The following ZNF700 variants were observed in gnomAD, a reference collection of about 807,000 sequenced individuals.
ZNF700 encodes the protein zinc finger protein 700.
Under a neutral mutation model 65.3 loss-of-function variants are expected in ZNF700, and 38 were observed. The ratio of observed to expected loss-of-function variants is 0.58; its 90% CI spans 0.45 to 0.76. ZNF700 has a LOEUF of 0.76. Among genes scored for constraint, ZNF700 ranks in the 30% least tolerant of loss-of-function variants. The pLI is 0.00. For synonymous variants in ZNF700, 285 were observed against 290.4 expected (o/e 0.98, Z 0.19); for missense variants, 857 against 888.4 (o/e 0.96, Z 0.45).
At chr19:11,928,743 A>T (rs1972672094) in intron 1 of ZNF700, among the ~76,000 whole-genome samples, 1 of 143,516 alleles carries the variant, frequency 7.0e-6, no homozygotes, top group Non-Finnish European at 1.5e-5. Context: ...AAAAAAAAAA[A>T]AAAAAAAAGA....
At position 11,930,285 on chromosome 19, in the gene ZNF700, T is replaced by A. The variant is rs1041671759; in HGVS notation, c.63+5012T>A. ...TTCCTGTCCTTTGGATTGTCTCAAC[T>A]GTGAAGAGAGAAATATCCCAAAAGA... On this transcript the variant is annotated intron_variant, in intron 1 of 3. Transcript: ENST00000254321. Among the ~76,000 whole-genome samples the A allele has an allele frequency of 6.1e-5, 9 of 148,516 alleles. 2 individuals are homozygous for A. Among genetic ancestry groups the A allele is most frequent in the African/African-American group, 2.4e-4 (9 of 38,102 alleles).
chr19:11,941,587 C>T (rs1368685898), intron 1 of ZNF700, among the ~76,000 whole-genome samples: 4 of 152,328 alleles, frequency 2.6e-5, no homozygotes, highest in East Asian at 3.9e-4. Flanking sequence ...CCGGCTGCTC[C>T]GAGTGCGGGG....
At chr19:11,944,831 A>G (rs1972936074) in intron 1 of ZNF700, among the ~76,000 whole-genome samples, 1 of 152,202 alleles carries the variant, frequency 6.6e-6, no homozygotes, top group Non-Finnish European at 1.5e-5. Flanking sequence ...TAAATGTGAG[A>G]TGTAGAAGTA....
chr19:11,948,623 G>GA lies in ZNF700; in HGVS notation c.604dup (p.Thr202AsnfsTer22), dbSNP rs775228935. Reference sequence around the variant, plus strand: ...AAACCCTATGCTTGTAAAGTCTGTGGAAAAACCTTTATTTTCCATTCAAGC... The same window carrying GA: ...AAACCCTATGCTTGTAAAGTCTGTGGAAAAAACCTTTATTTTCCATTCAAGC... On this transcript the variant is annotated frameshift_variant, in exon 4 of 4. Coordinates refer to ENST00000254321, the MANE Select transcript of ZNF700 (RefSeq NM_144566.3). LOFTEE classifies it high-confidence loss of function. 1.9e-5 allele frequency: 30 copies of GA among 1,611,396 alleles called. No individual in the cohort carries two copies. The highest frequency in any genetic ancestry group is 2.5e-5 in the Non-Finnish European group (29 of 1,179,488).
At chr19:11,928,798 G>A (rs1452616715) in intron 1 of ZNF700, among the ~76,000 whole-genome samples, 5 of 146,548 alleles carry the variant, frequency 3.4e-5, no homozygotes, top group Admixed American at 3.3e-4. Context: ...AGTGAAGAGG[G>A]GCCTGGTAGG....
At chr19:11,939,193 G>A (rs2145287773) in intron 1 of ZNF700, among the ~76,000 whole-genome samples, 1 of 152,224 alleles carries the variant, frequency 6.6e-6, no homozygotes, top group East Asian at 1.9e-4. Flanking sequence ...TCATTCTGAT[G>A]GTAGTTTCTT....
Position 11,932,133 on chromosome 19 carries a change from AAAAG to A in ZNF700, c.63+6868_63+6871del, listed in dbSNP as rs1240722335. Among the ~76,000 whole-genome samples, 8 of 147,878 alleles carry A rather than the reference AAAAG, an allele frequency of 5.4e-5. 1 individual carries two copies. The highest frequency in any genetic ancestry group is 1.6e-4 in the African/African-American group (6 of 37,716). On this transcript the variant is annotated intron_variant, in intron 1 of 3. Transcript: ENST00000254321. ...AGTGAAACTTTGTCTCAAAAAAAAAAAAAGAAAGAAAATAAATTAGTCCAGCCTG... is the reference window on the plus strand; with the variant it reads ...AGTGAAACTTTGTCTCAAAAAAAAAAAAAGAAAATAAATTAGTCCAGCCTG...
At chr19:11,932,572 C>T (rs541109104) in intron 1 of ZNF700, among the ~76,000 whole-genome samples, 2 of 147,638 alleles carry the variant, frequency 1.4e-5, no homozygotes, top group South Asian at 4.2e-4. Context: ...CTTCCCCAAC[C>T]TGGGTACCCA....
At chr19:11,941,298 C>G (rs1387259546) in intron 1 of ZNF700, among the ~76,000 whole-genome samples, 1 of 152,264 alleles carries the variant, frequency 6.6e-6, no homozygotes, top group African/African-American at 2.4e-5. Flanking sequence ...TGCGCCCGCA[C>G]TCCTCAGCCC....
chr19:11,925,300 A>C, intron 1 of ZNF700, 27 bp downstream of exon 1: 1 of 1,609,268 alleles, frequency 6.2e-7, no homozygotes, highest in Non-Finnish European at 8.5e-7. Context: ...AGATGTCGTG[A>C]GACGGGGGAG....
rs756273498 is a variant in ZNF700, at chr19:11,949,968, T to G, written c.1944T>G (p.Tyr648Ter). ...HERTHTGEKP[Y>*]ECKECEKAFC... ...GGACTCACACTGGAGAGAAACCCTA[T>G]GAATGTAAGGAATGCGAAAAAGCAT... The change falls in exon 4 of 4, where the codon TAT becomes TAG. Residue 648 changes from tyrosine (Y) to a stop codon, truncating the protein, a stop_gained. Transcript: ENST00000254321. LOFTEE classifies it high-confidence loss of function. 6.2e-7 allele frequency: 1 copy of G among 1,614,110 alleles called. No individual in the cohort carries two copies. Among genetic ancestry groups the G allele is most frequent in the Non-Finnish European group, 8.5e-7 (1 of 1,180,016 alleles).
At chr19:11,946,952 T>C (rs1972968973) in intron 1 of ZNF700, 2 of 816,284 alleles carry the variant, frequency 2.5e-6, no homozygotes, top group Non-Finnish European at 3.4e-6. Context: ...CACGCCATTG[T>C]ACTCCAGCCT....
At position 11,949,736 on chromosome 19, in the gene ZNF700, A is replaced by G. The variant is rs772367772; in HGVS notation, c.1712A>G (p.Lys571Arg). The change falls in exon 4 of 4, where the codon AAA (lysine) becomes AGA (arginine). Residue 571 changes from lysine (K) to arginine (R), a missense_variant. Coordinates refer to ENST00000254321, the MANE Select transcript of ZNF700 (RefSeq NM_144566.3). Reference protein sequence around the residue: ...EKPYECKQCGKAFRSASHLRM... With the variant: ...EKPYECKQCGRAFRSASHLRM... Reference sequence around the variant, plus strand: ...CCCTATGAGTGTAAGCAATGTGGGAAAGCCTTCAGATCTGCCTCACACCTT... The same window carrying G: ...CCCTATGAGTGTAAGCAATGTGGGAGAGCCTTCAGATCTGCCTCACACCTT... 4 of 1,614,044 alleles carry G rather than the reference A, an allele frequency of 2.5e-6. No individual in the cohort carries two copies. Among genetic ancestry groups the G allele is most frequent in the Non-Finnish European group, 3.4e-6 (4 of 1,180,010 alleles).
chr19:11,949,085 G>A lies in ZNF700; in HGVS notation c.1061G>A (p.Arg354Lys), dbSNP rs146279547. ...CTTATAAGTTTTCAAACACACATAAGAATGAACTCTGGAGAAAGACCTTAT... is the reference window on the plus strand; with the variant it reads ...CTTATAAGTTTTCAAACACACATAAAAATGAACTCTGGAGAAAGACCTTAT... ...SYLISFQTHIRMNSGERPYKC... is the reference protein window; with the variant it reads ...SYLISFQTHIKMNSGERPYKC... The change falls in exon 4 of 4, where the codon AGA becomes AAA. Residue 354 changes from arginine (R) to lysine (K), a missense_variant. Physicochemically the swap from Arg to Lys is conservative, Grantham distance 26. This residue lies in a region of ZNF700 where 603 missense variants were observed against 619.9 expected (regional missense o/e 0.97). Transcript: ENST00000254321. 31 of 1,611,524 alleles carry A rather than the reference G, an allele frequency of 1.9e-5. 1 individual carries two copies. Among genetic ancestry groups the A allele is most frequent in the Non-Finnish European group, 2.3e-5 (27 of 1,179,530 alleles).
chr19:11,949,851 G>T lies in ZNF700; in HGVS notation c.1827G>T (p.Lys609Asn). The T allele has an allele frequency of 6.2e-7, 1 of 1,610,030 alleles. No individual in the cohort carries two copies. The highest frequency in any genetic ancestry group is 8.5e-7 in the Non-Finnish European group (1 of 1,178,990). ...KAFSCASNLR[K>N]HGRTHTGEKP... ...TCAGTTGTGCCTCAAACCTTCGAAA[G>T]CATGGTAGGACTCACACTGGAGAGA... is the stretch of plus-strand genomic sequence containing the variant. The change falls in exon 4 of 4, where the codon AAG becomes AAT. Residue 609 changes from lysine (K) to asparagine (N), a missense_variant. This residue lies in a region of ZNF700 where 251 missense variants were observed against 250.3 expected (regional missense o/e 1.00). Coordinates refer to ENST00000254321, the MANE Select transcript of ZNF700 (RefSeq NM_144566.3).
intron 1 of ZNF700, among the ~76,000 whole-genome samples, chr19:11,940,993 G>A (rs1049262706): frequency 6.6e-6 from 1 of 151,592 alleles, no homozygotes; most frequent in African/African-American, 2.4e-5. Flanking sequence ...ACAGAGTGCC[G>A]ATTGGTGTAT....
chr19:11,949,082 T>G lies in ZNF700; in HGVS notation c.1058T>G (p.Ile353Arg). Residue 353 changes from isoleucine to arginine, a missense_variant, in exon 4 of 4, where the codon ATA (isoleucine) becomes AGA (arginine). Ile to Arg is a moderately conservative substitution (Grantham distance 97). Transcript: ENST00000254321. ...TATCTTATAAGTTTTCAAACACACATAAGAATGAACTCTGGAGAAAGACCT... is the reference window on the plus strand; with the variant it reads ...TATCTTATAAGTTTTCAAACACACAGAAGAATGAACTCTGGAGAAAGACCT... The part of the protein sequence containing the change: ...LSYLISFQTH[I>R]RMNSGERPYK... 1.2e-6 allele frequency: 2 copies of G among 1,610,724 alleles called. No homozygotes were observed. Among genetic ancestry groups the G allele is most frequent in the Non-Finnish European group, 1.7e-6 (2 of 1,179,344 alleles).
rs747685785 is a variant in ZNF700, at chr19:11,948,791, G to T, written c.767G>T (p.Gly256Val). 3.7e-6 allele frequency: 6 copies of T among 1,611,288 alleles called. No homozygotes were observed. The highest frequency in any genetic ancestry group is 4.2e-6 in the Non-Finnish European group (5 of 1,179,468). Residue 256 changes from glycine (G) to valine (V), a missense_variant, in exon 4 of 4, where the codon GGT (glycine) becomes GTT (valine). Around this residue, in one of 3 missense-constraint regions of ZNF700, gnomAD observed 603 missense variants for 619.9 expected, o/e 0.97. Coordinates refer to ENST00000254321, the MANE Select transcript of ZNF700 (RefSeq NM_144566.3). ...AAACCATATGAATGTAAACAATGTG[G>T]TAAATCCTTTACTTATTCTGCTACC... Reference protein sequence around the residue: ...GEKPYECKQCGKSFTYSATLQ... With the variant: ...GEKPYECKQCVKSFTYSATLQ...
At chr19:11,939,352 GT>G in intron 1 of ZNF700, among the ~76,000 whole-genome samples, 2 of 152,214 alleles carry the variant, frequency 1.3e-5, no homozygotes, top group South Asian at 4.1e-4. Flanking sequence ...GGTTTTTATG[GT>G]TTTAGGTCTA....
Sources: gnomAD v4.1 joint callset for allele counts (sites outside exome capture counted in the v4.1 genomes callset) on GRCh38, gnomAD v4.1.1 for gene constraint, gnomAD v4.1.1 regional missense constraint, MANE v1.5 for transcripts, NCBI Gene and HGNC (gene_info 2026-07-23, HGNC 2026-07-21) for gene names.